Variants in HELZ observed in about 807,000 individuals in gnomAD.
HELZ encodes the protein helicase with zinc finger.
A neutral mutation model predicts 218.2 loss-of-function variants in HELZ; 23 were observed. The ratio of observed to expected loss-of-function variants is 0.11; its 90% CI spans 0.08 to 0.15. HELZ has a LOEUF of 0.15. Ranked by LOEUF, HELZ falls within the 10% of genes least tolerant of loss-of-function variation. The probability of loss-of-function intolerance (pLI) is 1.00; values close to 1 mark genes in which losing one functional copy is unlikely to be tolerated. For synonymous variants in HELZ, 814 were observed against 829.4 expected (o/e 0.98, Z 0.32); for missense variants, 1,813 against 2,353.7 (o/e 0.77, Z 4.75).
intron 19 of HELZ, among the ~76,000 whole-genome samples, chr17:67,149,245 G>C (rs575358858): frequency 2.6e-5 from 4 of 152,126 alleles, no homozygotes; most frequent in Non-Finnish European, 5.9e-5. Flanking sequence ...AACAGAGCTT[G>C]TTCCTCTACA....
intron 12 of HELZ, among the ~76,000 whole-genome samples, chr17:67,181,030 C>T (rs1186409741): frequency 5.3e-5 from 8 of 151,810 alleles, no homozygotes; most frequent in South Asian, 2.1e-4. Flanking sequence ...TCCAGCCTGG[C>T]GACAGAGCCA....
Position 67,178,713 on chromosome 17 carries a change from C to G in HELZ, c.1376G>C (p.Arg459Pro). 1 of 1,613,748 alleles carries G rather than the reference C, an allele frequency of 6.2e-7. No homozygotes were observed. Among genetic ancestry groups the G allele is most frequent in the Non-Finnish European group, 8.5e-7 (1 of 1,179,768 alleles). ...KSLTKSNYQS[R>P]LHDLLYIEEI... ...CTCAATATAAAGAAGGTCATGTAAC[C>G]GTGACTGATAGTTGCTCTTGGTCAA... The change falls in exon 13 of 33, where the codon CGG becomes CCG. Residue 459 changes from arginine (R) to proline (P), a missense_variant. By Grantham distance (103) the Arg-to-Pro change is moderately radical. Coordinates refer to ENST00000358691, the MANE Select transcript of HELZ (RefSeq NM_014877.4).
At chr17:67,156,898 T>G in intron 17 of HELZ, among the ~76,000 whole-genome samples, 2 of 152,342 alleles carry the variant, frequency 1.3e-5, no homozygotes, top group South Asian at 4.1e-4. Flanking sequence ...TCCCCAGTGT[T>G]GGAGGTAGGG....
intron 21 of HELZ, among the ~76,000 whole-genome samples, chr17:67,142,374 G>A (rs568412885): frequency 2.3e-4 from 35 of 152,110 alleles, no homozygotes; most frequent in Admixed American, 4.6e-4. Flanking sequence ...GGGCATTGTG[G>A]CATGCATCTG....
intron 5 of HELZ, 179 bp downstream of exon 5, chr17:67,215,720 G>A: frequency 1.6e-6 from 1 of 626,882 alleles, no homozygotes; most frequent in East Asian, 2.8e-5. Context: ...TCATGAGTAA[G>A]AGCAATGTTC....
intron 21 of HELZ, among the ~76,000 whole-genome samples, chr17:67,144,236 G>A (rs757083033): frequency 2.0e-5 from 3 of 151,884 alleles, no homozygotes; most frequent in Non-Finnish European, 2.9e-5. Context: ...AATTCAAAAC[G>A]CCTACACTGG....
rs75276542 is a variant in HELZ, at chr17:67,176,462, C to T, written c.1430+2197G>A. The T allele has an allele frequency of 1.9e-4, 29 of 152,256 alleles. No homozygotes were observed. The East Asian group carries it at 5.6e-3, about 29-fold the overall frequency. 9.4% of individuals were successfully genotyped at this position (152,256 alleles called of 1,614,324 possible). ...TTGACTCTGATTATTGCTTATGATC[C>T]CCCATATGTGGAATTTCCACACCAA... On this transcript the variant is annotated intron_variant, in intron 13 of 32. Transcript: ENST00000358691.
chr17:67,157,554 T>C (rs1257578233), intron 17 of HELZ, among the ~76,000 whole-genome samples: 2 of 152,200 alleles, frequency 1.3e-5, no homozygotes, highest in Non-Finnish European at 2.9e-5. Flanking sequence ...TTTTTAAAAT[T>C]GGAGAATTGA....
chr17:67,221,005 C>T (rs185063269), intron 3 of HELZ, among the ~76,000 whole-genome samples: 1 of 152,208 alleles, frequency 6.6e-6, no homozygotes, highest in East Asian at 1.9e-4. Context: ...ATGCCTGTTA[C>T]ACAAACATAC....
chr17:67,099,262 T>A (rs532923690), intron 31 of HELZ, among the ~76,000 whole-genome samples: 1 of 152,330 alleles, frequency 6.6e-6, no homozygotes, highest in South Asian at 2.1e-4. Context: ...ATCAGATTGT[T>A]CCTTTATTTT....
At chr17:67,124,208 A>T (rs1294613054) in intron 24 of HELZ, among the ~76,000 whole-genome samples, 194 bp from the exon 25 acceptor site, 1 of 152,148 alleles carries the variant, frequency 6.6e-6, no homozygotes, top group Non-Finnish European at 1.5e-5. Flanking sequence ...AGCCATCTCA[A>T]ATAATATTGC....
chr17:67,188,205 T>G lies in HELZ; in HGVS notation c.1162+114A>C. On this transcript the variant is annotated intron_variant, in intron 12 of 32. Coordinates refer to ENST00000358691, the MANE Select transcript of HELZ (RefSeq NM_014877.4). The surrounding 1 kb of genome is among the most constrained non-coding windows in gnomAD (Gnocchi z 4.1). ...TAAATGAGTCAATTAAGTTGGGATT[T>G]TTTTCTTTATTACTATTCTCTTCCT... 9.9e-7 allele frequency: 1 copy of G among 1,014,100 alleles called. No individual in the cohort carries two copies. The highest frequency in any genetic ancestry group is 1.5e-6 in the Non-Finnish European group (1 of 688,102). 62.8% of individuals were successfully genotyped at this position (1,014,100 alleles called of 1,614,324 possible). A position where few individuals can be genotyped will look rare whatever the true frequency, so the allele number is the denominator to read the frequency against.
At chr17:67,192,870 T>C (rs1277339500) in intron 9 of HELZ, among the ~76,000 whole-genome samples, 2 of 152,212 alleles carry the variant, frequency 1.3e-5, no homozygotes, top group Admixed American at 6.5e-5. Context: ...AATTATTAAA[T>C]TTTGAAAGGT....
At chr17:67,104,142 C>T (rs1339701506) in intron 31 of HELZ, among the ~76,000 whole-genome samples, 2 of 151,964 alleles carry the variant, frequency 1.3e-5, no homozygotes, top group African/African-American at 2.4e-5. Context: ...AACTATAAAA[C>T]TATAAAAAGG....
chr17:67,236,733 T>C (rs1404979099), intron 3 of HELZ, among the ~76,000 whole-genome samples: 1 of 152,162 alleles, frequency 6.6e-6, no homozygotes, highest in Non-Finnish European at 1.5e-5. Flanking sequence ...TCAATTGTCT[T>C]AGGATAATAA....
At position 67,109,195 on chromosome 17, in the gene HELZ, T is replaced by C. The variant is rs1358025191; in HGVS notation, c.4410A>G (p.Gln1470=). The C allele has an allele frequency of 1.4e-5, 23 of 1,613,964 alleles. No homozygotes were observed. The highest frequency in any genetic ancestry group is 1.7e-5 in the Non-Finnish European group (20 of 1,180,026). ...EGHSPLRAIA[Q]PGPILPSHLN... Reference sequence around the variant, plus strand: ...GATGTGAAGGAAGAATGGGGCCGGGTTGTGCAATGGCTCTCAGAGGACTGT... The same window carrying C: ...GATGTGAAGGAAGAATGGGGCCGGGCTGTGCAATGGCTCTCAGAGGACTGT... Residue 1470 remains glutamine (Q), a synonymous_variant, in exon 29 of 33, where the codon CAA becomes CAG. Transcript: ENST00000358691.
intron 32 of HELZ, among the ~76,000 whole-genome samples, chr17:67,079,544 G>T (rs1476421873): frequency 6.6e-6 from 1 of 152,150 alleles, no homozygotes; most frequent in East Asian, 1.9e-4. Context: ...ACAATGGGAT[G>T]TACGAGCCAT....
rs192493157 is a variant in HELZ, at chr17:67,123,832, T to C, written c.3439+131A>G. 515 of 717,204 alleles carry C rather than the reference T, an allele frequency of 7.2e-4. 2 individuals are homozygous for C. In the African/African-American group the frequency reaches 8.5e-3, roughly 12 times the overall value. 44.4% of individuals were successfully genotyped at this position (717,204 alleles called of 1,614,324 possible). On this transcript the variant is annotated intron_variant, in intron 25 of 32. Transcript: ENST00000358691. ...CAAAGTGACTGTGTGTGTGTGTGTG[T>C]GTGTGTGTGTGTGTCAGAGAGAAAG... is the stretch of plus-strand genomic sequence containing the variant.
intron 15 of HELZ, among the ~76,000 whole-genome samples, chr17:67,165,872 C>G (rs1317959305): frequency 6.6e-6 from 1 of 152,122 alleles, no homozygotes; most frequent in East Asian, 1.9e-4. Flanking sequence ...TGTGTAGTAG[C>G]TCACATCCCA....
Sources: gnomAD v4.1 joint callset for allele counts (sites outside exome capture counted in the v4.1 genomes callset) on GRCh38, gnomAD v4.1.1 for gene constraint, Gnocchi (gnomAD v3.1) non-coding constraint, MANE v1.5 for transcripts, NCBI Gene and HGNC (gene_info 2026-07-23, HGNC 2026-07-21) for gene names.